Variants in FRY observed in about 807,000 individuals in gnomAD.
FRY encodes the protein protein furry homolog.
Under a neutral mutation model 348.4 loss-of-function variants are expected in FRY, and 128 were observed. That is an observed-to-expected ratio of 0.37 (90% CI 0.32 to 0.43). The LOEUF (loss-of-function observed/expected upper bound fraction) is 0.43, where lower values mean the gene tolerates loss of function less well. Ranked by LOEUF, FRY falls within the 20% of genes least tolerant of loss-of-function variation. The pLI, the probability that FRY is intolerant of heterozygous loss-of-function variation, is 1.00. For synonymous variants in FRY, 1,370 were observed against 1,374.7 expected, an observed-to-expected ratio of 1.00 and a Z score of 0.08; for missense variants, 2,736 against 3,695.2, an observed-to-expected ratio of 0.74 and a Z score of 6.73.
At chr13:32,215,555 G>A (rs975192486) in intron 35 of FRY, among the ~76,000 whole-genome samples, 3 of 152,134 alleles carry the variant, frequency 2.0e-5, no homozygotes, top group African/African-American at 4.8e-5. Flanking sequence ...TTTAAAGTAT[G>A]CAGAAAAAAT....
rs796606551 is a variant in FRY, at chr13:32,090,123, T to C, written c.270+11090T>C. 2.4e-4 allele frequency among the ~76,000 whole-genome samples: 37 copies of C among 151,386 alleles called. No homozygotes were observed. The South Asian group carries it at 7.1e-3, about 29-fold the overall frequency. Reference sequence around the variant, plus strand: ...CAGCACTTTGGGAGGCCGAGGCGGGTGGATCACGAGGTCAGGAGCTCAAGA... The same window carrying C: ...CAGCACTTTGGGAGGCCGAGGCGGGCGGATCACGAGGTCAGGAGCTCAAGA... On this transcript the variant is annotated intron_variant, in intron 2 of 60. Transcript: ENST00000542859.
At chr13:32,133,234 A>G (rs9594990) in intron 8 of FRY, among the ~76,000 whole-genome samples, 32,682 of 151,928 alleles carry the variant, frequency 0.22, 3,723 homozygotes, top group Middle Eastern at 0.28. Context: ...TATTGGGGGG[A>G]CTATGTATCA....
chr13:32,239,765 CTT>C lies in FRY; in HGVS notation c.6573_6574del (p.Tyr2192Ter). Reference sequence around the variant, plus strand: ...TTCAAATCTTGCACATGTCATGACTCTTTATAAAACGCACAGCTACACGAGGG... The same window carrying C: ...TTCAAATCTTGCACATGTCATGACTCTATAAAACGCACAGCTACACGAGGG... ...KLSNLAHVMT[L>X]YKTHSYTRDC... On this transcript the variant is annotated frameshift_variant, in exon 46 of 61. Coordinates refer to ENST00000542859, the MANE Select transcript of FRY (RefSeq NM_023037.3). LOFTEE classifies it high-confidence loss of function. This position sits in a 1 kb window ranked among gnomAD's most constrained non-coding sequence, Gnocchi z 4.3. The C allele has an allele frequency of 6.2e-7, 1 of 1,613,882 alleles. No homozygotes were observed. Among genetic ancestry groups the C allele is most frequent in the Non-Finnish European group, 8.5e-7 (1 of 1,179,794 alleles).
At chr13:32,193,591 C>CTTTTTTTTTTTTTTT (rs71194514) in intron 28 of FRY, among the ~76,000 whole-genome samples, 1 of 130,284 alleles carries the variant, frequency 7.7e-6, no homozygotes, top group African/African-American at 2.9e-5. Context: ...AGTCTTCGTC[C>CTTTTTTTTTTTTTTT]TTTTTTTTTT....
intron 1 of FRY, among the ~76,000 whole-genome samples, chr13:32,043,751 A>T (rs1203318938): frequency 6.6e-6 from 1 of 152,178 alleles, no homozygotes; most frequent in Non-Finnish European, 1.5e-5. Flanking sequence ...AAAATTCTGT[A>T]TTGCTTTGCC....
rs140614666 is a variant in FRY, at chr13:32,190,295, A to G, written c.3591+2639A>G. On this transcript the variant is annotated intron_variant, in intron 28 of 60. Coordinates refer to ENST00000542859, the MANE Select transcript of FRY (RefSeq NM_023037.3). Reference sequence around the variant, plus strand: ...AAGGAAGCTTACTGTCACCACCTCTATCAACATCATACTGGAGATCCTAGC... The same window carrying G: ...AAGGAAGCTTACTGTCACCACCTCTGTCAACATCATACTGGAGATCCTAGC... 4.4e-4 allele frequency among the ~76,000 whole-genome samples: 67 copies of G among 152,200 alleles called. No individual in the cohort carries two copies. In the Middle Eastern group the frequency reaches 0.027, roughly 62 times the overall value.
In FRY at chr13:32,049,271, C is replaced by T. The variant is rs115088899; in HGVS notation, c.70+17406C>T. On this transcript the variant is annotated intron_variant, in intron 1 of 60. Coordinates refer to ENST00000542859, the MANE Select transcript of FRY (RefSeq NM_023037.3). ...GCAGAGGGAAGAACCTGAGCAATTG[C>T]AGGGAGTTGGGGAGGTGCCTGAGGG... is the stretch of plus-strand genomic sequence containing the variant. 3.6e-3 allele frequency among the ~76,000 whole-genome samples: 546 copies of T among 152,222 alleles called. 1 individual carries two copies. The highest frequency in any genetic ancestry group is 0.012 in the African/African-American group (505 of 41,524).
chr13:32,047,153 G>A (rs1873066380), intron 1 of FRY, among the ~76,000 whole-genome samples: 1 of 152,200 alleles, frequency 6.6e-6, no homozygotes, highest in African/African-American at 2.4e-5. Context: ...TAAAGGAGTT[G>A]ACATTTATGA....
At chr13:32,061,526 C>A (rs1873942683) in intron 1 of FRY, among the ~76,000 whole-genome samples, 1 of 152,070 alleles carries the variant, frequency 6.6e-6, no homozygotes, top group Non-Finnish European at 1.5e-5. Context: ...TAATTAATAG[C>A]ATCATATTTA....
chr13:32,271,408 C>T (rs1888195263), intron 55 of FRY, among the ~76,000 whole-genome samples: 1 of 152,206 alleles, frequency 6.6e-6, no homozygotes. Context: ...AGCCATGCAT[C>T]TAGCAAGCCG....
intron 1 of FRY, among the ~76,000 whole-genome samples, chr13:32,056,055 G>A (rs1873605429): frequency 6.6e-6 from 1 of 152,050 alleles, no homozygotes; most frequent in Non-Finnish European, 1.5e-5. Context: ...GCTGGGTGTG[G>A]TGGCATGCGC....
intron 35 of FRY, among the ~76,000 whole-genome samples, chr13:32,216,610 T>C (rs7985446): frequency 0.23 from 34,609 of 152,226 alleles, 4,075 homozygotes; most frequent in South Asian, 0.35. Context: ...GTGCCATTTT[T>C]TCATCACCCT....
intron 33 of FRY, among the ~76,000 whole-genome samples, chr13:32,210,519 A>T (rs1225713077): frequency 1.3e-5 from 2 of 152,264 alleles, no homozygotes; most frequent in Non-Finnish European, 2.9e-5. Context: ...AAAAATAACT[A>T]GCAGTTTTTC....
chr13:32,263,696 A>T (rs150921281), intron 53 of FRY, among the ~76,000 whole-genome samples: 2 of 152,176 alleles, frequency 1.3e-5, no homozygotes, highest in African/African-American at 4.8e-5. Flanking sequence ...TGCTAAAAAC[A>T]TATAGATTTC....
chr13:32,098,150 T>C (rs1245069589), intron 2 of FRY, among the ~76,000 whole-genome samples: 2 of 152,050 alleles, frequency 1.3e-5, no homozygotes, highest in Non-Finnish European at 2.9e-5. Flanking sequence ...TCTGTCTCCA[T>C]TGCAAAATAT....
In FRY at chr13:32,225,730, C is replaced by G. The variant is rs889613099; in HGVS notation, c.5021-59C>G. The G allele has an allele frequency of 3.3e-6, 4 of 1,222,400 alleles. No individual in the cohort carries two copies. In the Admixed American group the frequency reaches 6.7e-5, roughly 21 times the overall value. The allele number at this position is 1,222,400 out of a possible 1,614,324, so 75.7% of individuals were successfully genotyped here. ...TGAGTATCCTGGAATCTTTACTATC[C>G]CTGGAATCTAAACGAGCTTAACGTT... On this transcript the variant is annotated intron_variant, in intron 38 of 60. Transcript: ENST00000542859.
intron 1 of FRY, among the ~76,000 whole-genome samples, chr13:32,063,250 T>A (rs1177431170): frequency 6.6e-6 from 1 of 152,180 alleles, no homozygotes; most frequent in African/African-American, 2.4e-5. Context: ...TTATGTTGGG[T>A]CCCTGTGTAA....
chr13:32,169,152 G>A (rs1185093860), intron 17 of FRY, among the ~76,000 whole-genome samples: 2 of 152,118 alleles, frequency 1.3e-5, no homozygotes, highest in African/African-American at 4.8e-5. Flanking sequence ...GTCTGCCCTT[G>A]CCCCACCACA....
intron 53 of FRY, 76 bp from the exon 54 acceptor site, chr13:32,265,374 T>G: frequency 7.3e-7 from 1 of 1,374,850 alleles, no homozygotes; most frequent in Non-Finnish European, 1.0e-6. Flanking sequence ...CTCTCTTATT[T>G]GTTCCTTAGT....
Sources: gnomAD v4.1 joint callset for allele counts (sites outside exome capture counted in the v4.1 genomes callset) on GRCh38, gnomAD v4.1.1 for gene constraint, Gnocchi (gnomAD v3.1) non-coding constraint, MANE v1.5 for transcripts, NCBI Gene and HGNC (gene_info 2026-07-23, HGNC 2026-07-21) for gene names.